The following DCAKD variants were observed in gnomAD, a reference collection of about 807,000 sequenced individuals.
DCAKD encodes dephospho-CoA kinase domain containing.
Under a neutral mutation model 18.7 loss-of-function variants are expected in DCAKD, and 15 were observed. The observed-to-expected ratio is 0.80, with a 90% CI of 0.54 to 1.24. The LOEUF (loss-of-function observed/expected upper bound fraction) is 1.24. Among genes scored for constraint, DCAKD ranks in the 50% most tolerant of loss-of-function variants. DCAKD has a pLI of 0.00. For missense variants in DCAKD, 301 were observed against 322.0 expected, an observed-to-expected ratio of 0.93 and a Z score of 0.50; for synonymous variants, 130 against 133.0, an observed-to-expected ratio of 0.98 and a Z score of 0.16.
intron 3 of DCAKD, chr17:45,031,462 G>A (rs1657936180): frequency 1.0e-6 from 1 of 953,348 alleles, no homozygotes; most frequent in African/African-American, 1.8e-5. Context: ...ACAGGATGAT[G>A]GTAAAGATGA....
rs1311286993 is a variant in DCAKD at position 45,024,310 on chromosome 17, T to C, written c.*123A>G. 2 of 482,100 alleles carry C rather than the reference T, an allele frequency of 4.1e-6. No homozygotes were observed. Among genetic ancestry groups the C allele is most frequent in the African/African-American group, 9.1e-5 (2 of 21,906 alleles). 29.9% of individuals were successfully genotyped at this position (482,100 alleles called of 1,614,324 possible). A position where few individuals can be genotyped will look rare whatever the true frequency, so the allele number is the denominator to read the frequency against. ...CCGTGTGTGTGTGTGTGTGTGTGTG[T>C]GTGTGTGTGTGTGTGTGTGTGTGTG... On this transcript the variant is annotated 3_prime_UTR_variant, in exon 5 of 5. Transcript: ENST00000651974.
At chr17:45,025,006 GCTCT>G (rs1567827077) in intron 4 of DCAKD, among the ~76,000 whole-genome samples, 1 of 123,636 alleles carries the variant, frequency 8.1e-6, no homozygotes, top group Non-Finnish European at 1.7e-5. Context: ...TTTGGCCACA[GCTCT>G]TTTTTTTTTT....
chr17:45,049,032 T>C (rs1412919828), intron 1 of DCAKD, among the ~76,000 whole-genome samples: 1 of 135,590 alleles, frequency 7.4e-6, no homozygotes, highest in East Asian at 2.3e-4. Context: ...CAGTGAGCTG[T>C]GATCCCGCCA....
intron 2 of DCAKD, 111 bp from the exon 3 acceptor site, chr17:45,034,501 G>C (rs2053245671): frequency 8.0e-7 from 1 of 1,249,728 alleles, no homozygotes; most frequent in South Asian, 1.4e-5. Flanking sequence ...CTTTCAGGTG[G>C]AGCAAAAGCA....
intron 1 of DCAKD, among the ~76,000 whole-genome samples, chr17:45,056,916 C>T (rs1051184173): frequency 6.6e-6 from 1 of 152,008 alleles, no homozygotes; most frequent in Non-Finnish European, 1.5e-5. Context: ...TACAGACGCC[C>T]GCCACCACGT....
At chr17:45,050,103 C>T (rs2053659573) in intron 1 of DCAKD, among the ~76,000 whole-genome samples, 1 of 151,004 alleles carries the variant, frequency 6.6e-6, no homozygotes, top group African/African-American at 2.4e-5. Context: ...TGCAGTGGCA[C>T]GATCTCGGCT....
chr17:45,034,343 C>G lies in DCAKD; in HGVS notation c.160G>C (p.Gly54Arg), dbSNP rs145138207. The change falls in exon 3 of 5, where the codon GGC becomes CGC. Residue 54 changes from glycine (G) to arginine (R), a missense_variant. Physicochemically the swap from Gly to Arg is moderately radical, Grantham distance 125 (BLOSUM62 -2). Coordinates refer to ENST00000651974, the MANE Select transcript of DCAKD (RefSeq NM_001288655.2). The stretch of plus-strand genomic sequence containing the variant: ...CCGTTCTCCAGCAAGACCTCAGTGC[C>G]GAAGACCTCTACGATGCGCCGGTGG... ...PAHRRIVEVF[G>R]TEVLLENGDI... 2.5e-6 allele frequency: 4 copies of G among 1,614,044 alleles called. No homozygotes were observed. Among genetic ancestry groups the G allele is most frequent in the Non-Finnish European group, 3.4e-6 (4 of 1,180,032 alleles).
intron 1 of DCAKD, among the ~76,000 whole-genome samples, chr17:45,057,959 C>T (rs1196914922): frequency 3.7e-5 from 5 of 136,904 alleles, no homozygotes; most frequent in African/African-American, 5.6e-5. Context: ...TGCAATGAGT[C>T]GAGATTGTGC....
At chr17:45,059,833 C>T (rs12449933) in intron 1 of DCAKD, among the ~76,000 whole-genome samples, 26,049 of 152,134 alleles carry the variant, frequency 0.17, 2,500 homozygotes, top group Admixed American at 0.23. Context: ...TGGCCAGGTA[C>T]GGTGGCTCAC....
At chr17:45,031,947 C>T in intron 3 of DCAKD, 1 of 985,392 alleles carries the variant, frequency 1.0e-6, no homozygotes, top group Non-Finnish European at 1.2e-6. Context: ...TCATTTTTCA[C>T]CTTATCGAGC....
At chr17:45,060,855 T>C (rs2053842846) in intron 1 of DCAKD, 1 of 203,494 alleles carries the variant, frequency 4.9e-6, no homozygotes. Context: ...TCCAGGCAGG[T>C]AGCACCCGCG....
chr17:45,056,119 C>CA (rs1372984983), upstream of DCAKD, among the ~76,000 whole-genome samples: 4 of 149,534 alleles, frequency 2.7e-5, no homozygotes, highest in East Asian at 7.8e-4. Flanking sequence ...TGCACCATTG[C>CA]ACTCCAGCCT....
upstream of DCAKD, among the ~76,000 whole-genome samples, chr17:45,053,543 T>C (rs1391331082): frequency 6.6e-6 from 1 of 152,146 alleles, no homozygotes; most frequent in East Asian, 1.9e-4. Context: ...TGCCTCAGCC[T>C]CCCAAGTAGC....
intron 1 of DCAKD, among the ~76,000 whole-genome samples, chr17:45,048,575 TGCAGTAA>T (rs1377499990): frequency 3.3e-5 from 5 of 152,084 alleles, no homozygotes; most frequent in Non-Finnish European, 7.4e-5. Flanking sequence ...AGGCAGACGT[TGCAGTAA>T]GCCGAGATCG....
intron 3 of DCAKD, chr17:45,031,147 T>C: frequency 1.0e-6 from 1 of 985,358 alleles, no homozygotes; most frequent in Non-Finnish European, 1.2e-6. Flanking sequence ...CTCCAAACAC[T>C]TCCAAGCACA....
intron 1 of DCAKD, among the ~76,000 whole-genome samples, chr17:45,047,612 C>G (rs891977721): frequency 1.3e-5 from 2 of 148,930 alleles, no homozygotes; most frequent in Non-Finnish European, 3.0e-5. Context: ...TCAAATGATT[C>G]TCCTGCCTCA....
intron 1 of DCAKD, among the ~76,000 whole-genome samples, chr17:45,047,891 C>T (rs1394217754): frequency 4.6e-5 from 7 of 152,088 alleles, no homozygotes; most frequent in Non-Finnish European, 7.3e-5. Flanking sequence ...CCACCACACC[C>T]GGCCCACTTA....
chr17:45,053,436 T>C (rs2053748204), upstream of DCAKD, among the ~76,000 whole-genome samples: 6 of 151,420 alleles, frequency 4.0e-5, no homozygotes, highest in South Asian at 1.3e-3. Context: ...TTGTTTTGCT[T>C]TTGAGATGGA....
intron 2 of DCAKD, 79 bp downstream of exon 2, chr17:45,034,694 TA>T: frequency 9.0e-6 from 13 of 1,450,906 alleles, no homozygotes; most frequent in African/African-American, 1.4e-5. Context: ...CTGAGACTTA[TA>T]AAAAAAGGAG....
Sources: gnomAD v4.1 joint callset for allele counts (sites outside exome capture counted in the v4.1 genomes callset) on GRCh38, gnomAD v4.1.1 for gene constraint, MANE v1.5 for transcripts, NCBI Gene and HGNC (gene_info 2026-07-23, HGNC 2026-07-21) for gene names.